The following BAZ2B variants were observed in gnomAD, a reference collection of about 807,000 sequenced individuals.
BAZ2B encodes bromodomain adjacent to zinc finger domain protein 2B.
In BAZ2B, 91 loss-of-function variants were observed where a neutral mutation model predicts 246.0. The ratio of observed to expected loss-of-function variants is 0.37; its 90% CI spans 0.31 to 0.44. The LOEUF (loss-of-function observed/expected upper bound fraction) is 0.44. BAZ2B is among the 20% of genes least tolerant of loss of function. BAZ2B has a pLI of 1.00. For synonymous variants in BAZ2B, 855 were observed against 860.0 expected (o/e 0.99, Z 0.10); for missense variants, 2,332 against 2,533.7 (o/e 0.92, Z 1.71).
At chr2:159,372,813 A>G (rs62171464) in intron 27 of BAZ2B, among the ~76,000 whole-genome samples, 5,741 of 152,326 alleles carry the variant, frequency 0.038, 169 homozygotes, top group Middle Eastern at 0.14. Context: ...CCACCAAAGA[A>G]AGAAAGAACA....
chr2:159,697,482 T>C, the BAZ2B span, among the ~76,000 whole-genome samples: 1 of 152,336 alleles, frequency 6.6e-6, no homozygotes, highest in East Asian at 1.9e-4. Flanking sequence ...AAAAGTCTTT[T>C]ATGCAAAAGG....
chr2:159,605,344 G>T (rs1693224654), intron 1 of BAZ2B, among the ~76,000 whole-genome samples: 1 of 151,954 alleles, frequency 6.6e-6, no homozygotes, highest in Admixed American at 6.6e-5. Flanking sequence ...CTTGATAAGT[G>T]ATTTTTATTT....
the BAZ2B span, among the ~76,000 whole-genome samples, chr2:159,658,353 C>T: frequency 5.3e-5 from 8 of 152,030 alleles, no homozygotes; most frequent in South Asian, 4.2e-4. Context: ...ATTTTTTCTG[C>T]GACTGGGTCT....
chr2:159,415,168 C>A (rs910496865), intron 13 of BAZ2B, among the ~76,000 whole-genome samples: 1 of 152,082 alleles, frequency 6.6e-6, no homozygotes, highest in Non-Finnish European at 1.5e-5. Flanking sequence ...TATCTGCGGC[C>A]GGGCTCAGTG....
intron 6 of BAZ2B, among the ~76,000 whole-genome samples, chr2:159,445,626 C>T (rs556934702): frequency 6.6e-6 from 1 of 152,268 alleles, no homozygotes; most frequent in East Asian, 1.9e-4. Context: ...AGTTTGAAAG[C>T]CACCTACTTT....
chr2:159,605,805 T>C (rs1693351827), intron 1 of BAZ2B, among the ~76,000 whole-genome samples: 1 of 152,216 alleles, frequency 6.6e-6, no homozygotes, highest in Admixed American at 6.5e-5. Context: ...GCATGCCTTA[T>C]TCCTACCTTC....
chr2:159,421,898 A>G (rs4664286), intron 13 of BAZ2B, among the ~76,000 whole-genome samples: 59,188 of 151,976 alleles, frequency 0.39, 12,340 homozygotes, highest in Non-Finnish European at 0.49. Context: ...AAAGTTTGAC[A>G]ATAAAAAATC....
chr2:159,484,625 T>C (rs758505408), intron 2 of BAZ2B, among the ~76,000 whole-genome samples: 1 of 152,254 alleles, frequency 6.6e-6, no homozygotes, highest in African/African-American at 2.4e-5. Context: ...TTGTTAATGA[T>C]AATATTGTTC....
At chr2:159,404,334 C>G (rs1036146219) in intron 16 of BAZ2B, 3 of 150,260 alleles carry the variant, frequency 2.0e-5, no homozygotes, top group Admixed American at 6.6e-5. Flanking sequence ...AGATACAAGA[C>G]AGAGAACTCT....
At position 159,431,087 on chromosome 2, in the gene BAZ2B, T is replaced by C. The variant is rs201225858; in HGVS notation, c.1970A>G (p.Asp657Gly). 53 of 1,613,994 alleles carry C rather than the reference T, an allele frequency of 3.3e-5. No individual in the cohort carries two copies. In the East Asian group the frequency reaches 1.1e-3, roughly 35 times the overall value. The stretch of plus-strand genomic sequence containing the variant: ...TCCTTCAGTATCACTATCTGATTCA[T>C]CTTGGTCTTTATCATCATCATCTTC... ...EEEDDDDKDQ[D>G]ESDSDTEGEK... Residue 657 changes from aspartate (D) to glycine (G), a missense_variant, in exon 10 of 37, where the codon GAT (aspartate) becomes GGT (glycine). Physicochemically the swap from Asp to Gly is moderately conservative, Grantham distance 94. This residue lies in a region of BAZ2B where 651 missense variants were observed against 650.9 expected (regional missense o/e 1.00). Coordinates refer to ENST00000392783, the MANE Select transcript of BAZ2B (RefSeq NM_013450.4).
chr2:159,574,082 C>G (rs1421217079), intron 1 of BAZ2B, among the ~76,000 whole-genome samples: 1 of 151,812 alleles, frequency 6.6e-6, no homozygotes, highest in Non-Finnish European at 1.5e-5. Flanking sequence ...CAGGATGACA[C>G]AGTGAGACCC....
intron 1 of BAZ2B, among the ~76,000 whole-genome samples, chr2:159,610,548 C>T (rs957266081): frequency 6.6e-6 from 1 of 152,150 alleles, no homozygotes; most frequent in Admixed American, 6.5e-5. Context: ...AGCTGAAGTA[C>T]TAATCCAAGA....
chr2:159,564,443 G>A (rs1018875801), intron 1 of BAZ2B, among the ~76,000 whole-genome samples: 4 of 152,202 alleles, frequency 2.6e-5, no homozygotes, highest in Non-Finnish European at 5.9e-5. Context: ...TATATGGAAT[G>A]ATCTTGGGGA....
At chr2:159,546,084 C>T (rs1411671532) in intron 2 of BAZ2B, among the ~76,000 whole-genome samples, 1 of 152,058 alleles carries the variant, frequency 6.6e-6, no homozygotes, top group Non-Finnish European at 1.5e-5. Flanking sequence ...GTACTGACTG[C>T]TATTTCTCCA....
At chr2:159,549,165 C>A (rs963425322) in intron 2 of BAZ2B, among the ~76,000 whole-genome samples, 1 of 152,112 alleles carries the variant, frequency 6.6e-6, no homozygotes, top group African/African-American at 2.4e-5. Context: ...CCTGAAACCC[C>A]AGCTACTCAG....
chr2:159,404,966 C>T, intron 15 of BAZ2B, 56 bp from the exon 16 acceptor site: 1 of 1,610,948 alleles, frequency 6.2e-7, no homozygotes, highest in South Asian at 1.1e-5. Flanking sequence ...AAAGAAAACT[C>T]TTATGAATTC....
intron 2 of BAZ2B, among the ~76,000 whole-genome samples, chr2:159,508,337 C>T (rs2082551711): frequency 6.6e-6 from 1 of 152,128 alleles, no homozygotes; most frequent in Non-Finnish European, 1.5e-5. Flanking sequence ...TACTTTCTTG[C>T]CAGATCAGCA....
At position 159,432,822 on chromosome 2, in the gene BAZ2B, T is replaced by A. The variant is rs745872421; in HGVS notation, c.1835A>T (p.Glu612Val). 3.7e-6 allele frequency: 6 copies of A among 1,614,080 alleles called. No homozygotes were observed. Among genetic ancestry groups the A allele is most frequent in the Non-Finnish European group, 5.1e-6 (6 of 1,179,942 alleles). Residue 612 changes from glutamate (E) to valine (V), a missense_variant, in exon 9 of 37, where the codon GAG becomes GTG. Coordinates refer to ENST00000392783, the MANE Select transcript of BAZ2B (RefSeq NM_013450.4). Reference sequence around the variant, plus strand: ...CTCATCTTCTTCTTCATCATCTTCCTCTTCATCCTCATTTGAATCTTCAGA... The same window carrying A: ...CTCATCTTCTTCTTCATCATCTTCCACTTCATCCTCATTTGAATCTTCAGA... ...KDSEDSNEDEEEDDEEEDEED... is the reference protein window; with the variant it reads ...KDSEDSNEDEVEDDEEEDEED...
chr2:159,643,191 A>C, the BAZ2B span, among the ~76,000 whole-genome samples: 2 of 152,196 alleles, frequency 1.3e-5, no homozygotes, highest in African/African-American at 2.4e-5. Flanking sequence ...CCACAACAAA[A>C]TACAATACAC....
Sources: allele counts gnomAD v4.1 joint callset (sites outside exome capture counted in the v4.1 genomes callset), GRCh38; gene constraint gnomAD v4.1.1; regional missense constraint gnomAD v4.1.1; transcripts MANE v1.5; gene names NCBI Gene and HGNC (gene_info 2026-07-23, HGNC 2026-07-21).